Variants in FCGR2A observed in about 807,000 individuals in gnomAD.
FCGR2A encodes low affinity immunoglobulin gamma Fc region receptor II-a.
In FCGR2A, 18 loss-of-function variants were observed where a neutral mutation model predicts 29.3. The observed-to-expected ratio is 0.62, with a 90% CI of 0.43 to 0.91. The LOEUF (loss-of-function observed/expected upper bound fraction) is 0.91, where lower values mean the gene tolerates loss of function less well. Among genes scored for constraint, FCGR2A ranks in the 40% least tolerant of loss-of-function variants. The probability of loss-of-function intolerance (pLI) is 0.00; values close to 1 mark genes in which losing one functional copy is unlikely to be tolerated. For synonymous variants in FCGR2A, 126 were observed against 144.8 expected, an observed-to-expected ratio of 0.87 and a Z score of 0.93; for missense variants, 287 against 393.0, an observed-to-expected ratio of 0.73 and a Z score of 2.28.
chr1:161,518,270 G>C lies in FCGR2A; in HGVS notation c.*122G>C. 4 of 1,489,894 alleles carry C rather than the reference G, an allele frequency of 2.7e-6. No homozygotes were observed. Among genetic ancestry groups the C allele is most frequent in the Non-Finnish European group, 3.6e-6 (4 of 1,113,776 alleles). 92.3% of individuals were successfully genotyped at this position (1,489,894 alleles called of 1,614,324 possible). ...AAATCCTGAGCAAACAAAACCACCTGGCCCTTAGAAATAGCTTTAACTTTG... is the reference window on the plus strand; with the variant it reads ...AAATCCTGAGCAAACAAAACCACCTCGCCCTTAGAAATAGCTTTAACTTTG... On this transcript the variant is annotated 3_prime_UTR_variant, in exon 7 of 7. Transcript: ENST00000271450.
chr1:161,522,563 G>A (rs1195683022), downstream of FCGR2A, among the ~76,000 whole-genome samples: 1 of 152,088 alleles, frequency 6.6e-6, no homozygotes, highest in East Asian at 1.9e-4. Context: ...TCCCTGCTGA[G>A]GTGAAGACCC....
chr1:161,505,914 AT>A (rs1675353192), intron 1 of FCGR2A, 72 bp from the exon 2 acceptor site: 13 of 1,481,728 alleles, frequency 8.8e-6, no homozygotes, highest in Non-Finnish European at 1.1e-5. Context: ...CCTCCCCAGC[AT>A]TTCACATACG....
At chr1:161,522,720 T>G (rs1676502589), downstream of FCGR2A, 1 of 152,152 alleles carries the variant, frequency 6.6e-6, no homozygotes, top group Non-Finnish European at 1.5e-5. Context: ...GACAGTTTGA[T>G]TTTCCACTGT....
chr1:161,515,103 A>T lies in FCGR2A; in HGVS notation c.780+1171A>T, dbSNP rs535524695. 2.6e-5 allele frequency among the ~76,000 whole-genome samples: 4 copies of T among 152,400 alleles called. No individual in the cohort carries two copies. In the East Asian group the frequency reaches 7.7e-4, roughly 29 times the overall value. On this transcript the variant is annotated intron_variant, in intron 6 of 6. Transcript: ENST00000271450. ...AAATCTAGAAAAAATTGTTCATTTAAGGGATGCATTGGGAAAAAATGAGAT... is the reference window on the plus strand; with the variant it reads ...AAATCTAGAAAAAATTGTTCATTTATGGGATGCATTGGGAAAAAATGAGAT...
chr1:161,512,856 A>G (rs1296388308), intron 5 of FCGR2A, among the ~76,000 whole-genome samples: 1 of 152,226 alleles, frequency 6.6e-6, no homozygotes, highest in Non-Finnish European at 1.5e-5. Flanking sequence ...ACCAGGGCCA[A>G]AGCAGATCTG....
rs776144562 is a variant in FCGR2A at position 161,515,206 on chromosome 1, GTCTC to G, written c.780+1278_780+1281del. On this transcript the variant is annotated intron_variant, in intron 6 of 6. Transcript: ENST00000271450. ...TCTAAAAGAATGATTTAAAAAAATAGTCTCTCTAAGTAAATCTTTACAATGTGCT... is the reference window on the plus strand; with the variant it reads ...TCTAAAAGAATGATTTAAAAAAATAGTCTAAGTAAATCTTTACAATGTGCT... 4.7e-4 allele frequency among the ~76,000 whole-genome samples: 72 copies of G among 152,308 alleles called. No homozygotes were observed. In the East Asian group the frequency reaches 0.012, roughly 25 times the overall value.
At chr1:161,509,791 C>G (rs778861856) in intron 3 of FCGR2A, 29 bp from the exon 4 acceptor site, 5 of 1,613,344 alleles carry the variant, frequency 3.1e-6, no homozygotes, top group East Asian at 2.2e-5. Flanking sequence ...ATCCTTACAA[C>G]TTTTTCTTAT....
At chr1:161,514,083 T>C in intron 6 of FCGR2A, 151 bp downstream of exon 6, 1 of 1,076,338 alleles carries the variant, frequency 9.3e-7, no homozygotes, top group Non-Finnish European at 1.4e-6. Context: ...AGAAATAGCC[T>C]TATCATTGCT....
chr1:161,518,197 G>A lies in FCGR2A; in HGVS notation c.*49G>A, dbSNP rs1263278910. On this transcript the variant is annotated 3_prime_UTR_variant, in exon 7 of 7. Coordinates refer to ENST00000271450, the MANE Select transcript of FCGR2A (RefSeq NM_001136219.3). ...CATACTCTCAGCTTGCTGAGTGGATGACAAAAAGAGGGGAATTGTTAAAGG... is the reference window on the plus strand; with the variant it reads ...CATACTCTCAGCTTGCTGAGTGGATAACAAAAAGAGGGGAATTGTTAAAGG... The A allele has an allele frequency of 1.9e-6, 3 of 1,578,130 alleles. No homozygotes were observed. The highest frequency in any genetic ancestry group is 2.6e-6 in the Non-Finnish European group (3 of 1,165,072).
At chr1:161,512,924 CT>C (rs1229744664) in intron 5 of FCGR2A, among the ~76,000 whole-genome samples, 1 of 152,246 alleles carries the variant, frequency 6.6e-6, no homozygotes, top group African/African-American at 2.4e-5. Flanking sequence ...TCTGTCTACA[CT>C]GGCATAAGCA....
rs967337251 is a variant in FCGR2A at position 161,506,528 on chromosome 1, G to A, written c.301G>A (p.Glu101Lys). 1.9e-6 allele frequency: 3 copies of A among 1,614,226 alleles called. No individual in the cohort carries two copies. Among genetic ancestry groups the A allele is most frequent in the Admixed American group, 1.7e-5 (1 of 60,032 alleles). ...CAAGGCCAACAACAATGACAGCGGG[G>A]AGTACACGTGCCAGACTGGCCAGAC... ...RFKANNNDSGEYTCQTGQTSL... is the reference protein window; with the variant it reads ...RFKANNNDSGKYTCQTGQTSL... The change falls in exon 3 of 7, where the codon GAG becomes AAG. Residue 101 changes from glutamate (E) to lysine (K), a missense_variant. Around this residue, in one of 3 missense-constraint regions of FCGR2A, gnomAD observed 181 missense variants for 250.9 expected, o/e 0.72. Transcript: ENST00000271450.
intron 3 of FCGR2A, 30 bp downstream of exon 3, chr1:161,506,621 T>C (rs1448223073): frequency 1.2e-6 from 2 of 1,613,424 alleles, no homozygotes; most frequent in Non-Finnish European, 1.7e-6. Flanking sequence ...AGGGTGGACC[T>C]GGGAGGGCCA....
At chr1:161,517,690 G>T (rs1676228182) in intron 6 of FCGR2A, among the ~76,000 whole-genome samples, 1 of 152,046 alleles carries the variant, frequency 6.6e-6, no homozygotes, top group Admixed American at 6.6e-5. Flanking sequence ...TATCATGGGT[G>T]ATTCCACTTT....
At chr1:161,516,026 C>A (rs1317750135) in intron 6 of FCGR2A, among the ~76,000 whole-genome samples, 1 of 151,990 alleles carries the variant, frequency 6.6e-6, no homozygotes, top group Non-Finnish European at 1.5e-5. Context: ...CTTCATATGA[C>A]CTGAGTAATC....
intron 3 of FCGR2A, among the ~76,000 whole-genome samples, chr1:161,508,991 A>C (rs1675595198): frequency 6.6e-6 from 1 of 150,712 alleles, no homozygotes; most frequent in Non-Finnish European, 1.5e-5. Flanking sequence ...TGTGCCCCCA[A>C]AATTCATATG....
chr1:161,521,553 G>A (rs114414096), downstream of FCGR2A, among the ~76,000 whole-genome samples: 11,868 of 151,980 alleles, frequency 0.078, 687 homozygotes, highest in East Asian at 0.24. Flanking sequence ...TAGTGAAATG[G>A]TTTGGCTGTG....
rs1338434633 is a variant in FCGR2A at position 161,508,789 on chromosome 1, A to C, written c.365-1031A>C. ...ACTCTGCCATCAGTGAAGGGAAGGA[A>C]TTGTTGGGAGTGAGGATGTTTGTAG... On this transcript the variant is annotated intron_variant, in intron 3 of 6. Transcript: ENST00000271450. Among the ~76,000 whole-genome samples, 3 of 152,170 alleles carry C rather than the reference A, an allele frequency of 2.0e-5. No homozygotes were observed. The South Asian group carries it at 6.2e-4, about 31-fold the overall frequency.
At chr1:161,517,931 C>T (rs760215126) in intron 6 of FCGR2A, 44 bp from the exon 7 acceptor site, 42 of 1,485,152 alleles carry the variant, frequency 2.8e-5, no homozygotes, top group Middle Eastern at 1.7e-4. Context: ...TTTACCTCCC[C>T]GGTGTATTGA....
chr1:161,508,744 C>A (rs1335873741), intron 3 of FCGR2A, among the ~76,000 whole-genome samples: 8 of 151,898 alleles, frequency 5.3e-5, no homozygotes. Flanking sequence ...TCCGAGGTAG[C>A]TGAATTTTGG....
Sources: gnomAD v4.1 joint callset for allele counts (sites outside exome capture counted in the v4.1 genomes callset) on GRCh38, gnomAD v4.1.1 for gene constraint, gnomAD v4.1.1 regional missense constraint, MANE v1.5 for transcripts, NCBI Gene and HGNC (gene_info 2026-07-23, HGNC 2026-07-21) for gene names.